The following GNA12 variants were observed in gnomAD, a reference collection of about 807,000 sequenced individuals.
GNA12 encodes the protein guanine nucleotide-binding protein subunit alpha-12.
Under a neutral mutation model 26.0 loss-of-function variants are expected in GNA12, and 9 were observed. The ratio of observed to expected loss-of-function variants is 0.35; its 90% CI spans 0.21 to 0.60. The LOEUF (loss-of-function observed/expected upper bound fraction) is 0.60, where lower values mean the gene tolerates loss of function less well. Among genes scored for constraint, GNA12 ranks in the 20% least tolerant of loss-of-function variants. The probability of loss-of-function intolerance (pLI) is 0.78; values close to 1 mark genes in which losing one functional copy is unlikely to be tolerated. For synonymous variants in GNA12, 264 were observed against 219.6 expected, an observed-to-expected ratio of 1.20 and a Z score of -1.79; for missense variants, 405 against 525.8, an observed-to-expected ratio of 0.77 and a Z score of 2.25.
chr7:2,807,104 T>C (rs932874206), intron 1 of GNA12, among the ~76,000 whole-genome samples: 5 of 152,184 alleles, frequency 3.3e-5, no homozygotes, highest in Admixed American at 1.3e-4. Flanking sequence ...TCCAATAATA[T>C]CTAAGCAGTC....
At chr7:2,753,831 T>G (rs1469191066) in intron 2 of GNA12, among the ~76,000 whole-genome samples, 1 of 152,206 alleles carries the variant, frequency 6.6e-6, no homozygotes, top group African/African-American at 2.4e-5. Context: ...GGGATATCTT[T>G]TTCTTCTGGG....
chr7:2,820,456 C>A (rs1221333273), intron 1 of GNA12, among the ~76,000 whole-genome samples: 1 of 145,224 alleles, frequency 6.9e-6, no homozygotes, highest in African/African-American at 2.6e-5. Flanking sequence ...TGCCTGTAAT[C>A]CCAGCACTTT....
In GNA12 at chr7:2,788,187, C is replaced by T. The variant is rs138020473; in HGVS notation, c.525+6741G>A. On this transcript the variant is annotated intron_variant, in intron 2 of 3. Coordinates refer to ENST00000275364, the MANE Select transcript of GNA12 (RefSeq NM_007353.3). ...AACAAATGCCAGCAAAACCAGAGAG[C>T]CAAGAATATGTGGAAGCTGCTCCCA... Among the ~76,000 whole-genome samples, 48 of 152,080 alleles carry T rather than the reference C, an allele frequency of 3.2e-4. No individual in the cohort carries two copies. The East Asian group carries it at 9.3e-3, about 29-fold the overall frequency.
chr7:2,826,547 TCAG>T (rs548521956), intron 1 of GNA12, among the ~76,000 whole-genome samples: 5 of 152,176 alleles, frequency 3.3e-5, no homozygotes, highest in Non-Finnish European at 7.3e-5. Flanking sequence ...AAAATGTCCT[TCAG>T]CAGGTAAATG....
At chr7:2,738,887 T>G (rs537165384) in intron 2 of GNA12, among the ~76,000 whole-genome samples, 12 of 152,342 alleles carry the variant, frequency 7.9e-5, no homozygotes, top group Admixed American at 2.6e-4. Context: ...AGCTGGCCCC[T>G]GACTCTGGCC....
chr7:2,779,553 A>G (rs915489064), intron 2 of GNA12, among the ~76,000 whole-genome samples: 6 of 152,032 alleles, frequency 3.9e-5, no homozygotes, highest in African/African-American at 4.8e-5. Flanking sequence ...TCACTCTAAA[A>G]TTGTTCTCAT....
Position 2,731,145 on chromosome 7 carries a change from G to T in GNA12, c.*36C>A, listed in dbSNP as rs1369968495. On this transcript the variant is annotated 3_prime_UTR_variant, in exon 4 of 4. Coordinates refer to ENST00000275364, the MANE Select transcript of GNA12 (RefSeq NM_007353.3). This position sits in a 1 kb window ranked among gnomAD's most constrained non-coding sequence, Gnocchi z 6.0. The stretch of plus-strand genomic sequence containing the variant: ...AAGAGTCTGACCGACAGCCGTGGGG[G>T]CTGCTCAACGACGACAAACCCCGGG... The T allele has an allele frequency of 2.8e-6, 4 of 1,421,486 alleles. No individual in the cohort carries two copies. The highest frequency in any genetic ancestry group is 3.6e-4 in the Middle Eastern group (2 of 5,622). 88.1% of individuals were successfully genotyped at this position (1,421,486 alleles called of 1,614,324 possible).
chr7:2,790,937 G>A (rs1792501784), intron 2 of GNA12, among the ~76,000 whole-genome samples: 1 of 149,800 alleles, frequency 6.7e-6, no homozygotes, highest in Non-Finnish European at 1.5e-5. Context: ...CCACACTAGT[G>A]TACTCCGGCC....
At chr7:2,790,974 T>TAAA (rs543331692) in intron 2 of GNA12, among the ~76,000 whole-genome samples, 3 of 131,012 alleles carry the variant, frequency 2.3e-5, no homozygotes, top group Non-Finnish European at 4.9e-5. Flanking sequence ...ATTGTCCCTT[T>TAAA]AAAAAAAAAA....
At chr7:2,737,264 GTTTTGTTTTGTTTTTTTTTTTTTTGTT>G (rs1169075909) in intron 2 of GNA12, among the ~76,000 whole-genome samples, 5 of 52,450 alleles carry the variant, frequency 9.5e-5, no homozygotes, top group Non-Finnish European at 2.0e-4. Context: ...CTATCTCACA[GTTTTGTTTTGTTTTTTTTTTTTTTGTT>G]TTTTTTTTTT....
intron 2 of GNA12, among the ~76,000 whole-genome samples, chr7:2,777,492 G>T (rs1251426982): frequency 6.6e-6 from 1 of 152,190 alleles, no homozygotes; most frequent in Non-Finnish European, 1.5e-5. Context: ...ATTCCCAGTG[G>T]GATGGTATCT....
chr7:2,748,355 G>T (rs895389831), intron 2 of GNA12, among the ~76,000 whole-genome samples: 2 of 152,042 alleles, frequency 1.3e-5, no homozygotes, highest in African/African-American at 4.8e-5. Flanking sequence ...AAATAATGCT[G>T]CATATCTACA....
Position 2,732,496 on chromosome 7 carries a change from C to T in GNA12, c.577-746G>A, listed in dbSNP as rs114233720. Among the ~76,000 whole-genome samples the T allele has an allele frequency of 9.3e-3, 1,409 of 152,200 alleles. 14 individuals are homozygous for T. The highest frequency in any genetic ancestry group is 0.032 in the African/African-American group (1,330 of 41,514). On this transcript the variant is annotated intron_variant, in intron 3 of 3. Coordinates refer to ENST00000275364, the MANE Select transcript of GNA12 (RefSeq NM_007353.3). ...AGGAGGTTGAGGCTACAATGAGTTA[C>T]GATCGTGCCACTGTACTCCAGCCTG...
chr7:2,772,947 A>G (rs1205752098), intron 2 of GNA12, among the ~76,000 whole-genome samples: 2 of 152,252 alleles, frequency 1.3e-5, no homozygotes, highest in Non-Finnish European at 2.9e-5. Flanking sequence ...GGAAGGCTAT[A>G]AAGAAAAAAG....
At position 2,767,995 on chromosome 7, in the gene GNA12, C is replaced by T. The variant is rs530374676; in HGVS notation, c.525+26933G>A. 5.3e-4 allele frequency among the ~76,000 whole-genome samples: 80 copies of T among 152,326 alleles called. 1 individual carries two copies. The highest frequency in any genetic ancestry group is 1.4e-3 in the African/African-American group (60 of 41,574). On this transcript the variant is annotated intron_variant, in intron 2 of 3. Coordinates refer to ENST00000275364, the MANE Select transcript of GNA12 (RefSeq NM_007353.3). ...TCAGCCTCTTGTGTAGCTGGGACTA[C>T]GGGCACATGCCACCATGCCTGGCTA...
At chr7:2,742,413 C>T (rs561594738) in intron 2 of GNA12, among the ~76,000 whole-genome samples, 1 of 152,260 alleles carries the variant, frequency 6.6e-6, no homozygotes, top group Admixed American at 6.5e-5. Context: ...GATGATTTTC[C>T]AGTCAGTGCC....
chr7:2,816,383 A>C (rs1793220153), intron 1 of GNA12, among the ~76,000 whole-genome samples: 2 of 152,122 alleles, frequency 1.3e-5, no homozygotes, highest in Non-Finnish European at 2.9e-5. Context: ...GGTGCCTGCC[A>C]CTATGCCCAG....
intron 1 of GNA12, among the ~76,000 whole-genome samples, chr7:2,824,491 T>C (rs1210961053): frequency 6.6e-6 from 1 of 152,140 alleles, no homozygotes; most frequent in Non-Finnish European, 1.5e-5. Context: ...CTCGCCCTGC[T>C]TTCTCCTGCC....
intron 2 of GNA12, among the ~76,000 whole-genome samples, chr7:2,785,983 C>G (rs1403553331): frequency 1.3e-5 from 2 of 152,238 alleles, no homozygotes; most frequent in African/African-American, 4.8e-5. Context: ...AGGACAATCG[C>G]TTGAACCCAG....
Sources: allele counts gnomAD v4.1 joint callset (sites outside exome capture counted in the v4.1 genomes callset), GRCh38; gene constraint gnomAD v4.1.1; non-coding constraint Gnocchi (gnomAD v3.1); transcripts MANE v1.5; gene names NCBI Gene and HGNC (gene_info 2026-07-23, HGNC 2026-07-21).